Variants in MROH6 observed in about 807,000 individuals in gnomAD.
MROH6 encodes the protein maestro heat-like repeat-containing protein family member 6.
Under a neutral mutation model 67.7 loss-of-function variants are expected in MROH6, and 62 were observed. The observed-to-expected ratio is 0.92, with a 90% CI of 0.75 to 1.13. MROH6 has a LOEUF of 1.13. MROH6 is among the 50% of genes most tolerant of loss of function. The pLI is 0.00. For missense variants in MROH6, 1,175 were observed against 1,029.1 expected (o/e 1.14, Z -1.94); for synonymous variants, 566 against 470.8 (o/e 1.20, Z -2.62).
chr8:143,568,074 C>G, intron 11 of MROH6, 68 bp downstream of exon 11: 1 of 1,532,864 alleles, frequency 6.5e-7, no homozygotes, highest in South Asian at 1.2e-5. Context: ...TTGGGGGCCC[C>G]GGTGAACCCT....
chr8:143,569,486 G>A lies in MROH6; in HGVS notation c.1431C>T (p.Leu477=), dbSNP rs1472830243. The change falls in exon 9 of 14, where the codon CTC becomes CTT. Residue 477 remains leucine (L), a synonymous_variant. Transcript: ENST00000398882. The part of the protein sequence containing the change: ...LLLRPRAPVR[L]LSAELGPRLP... ...GGCGCGGTCCCAGCTCCGCGCTCAG[G>A]AGCCGCACAGGCGCCCGGGGCCGCA... 1.4e-6 allele frequency: 2 copies of A among 1,481,274 alleles called. No homozygotes were observed. The highest frequency in any genetic ancestry group is 1.8e-6 in the Non-Finnish European group (2 of 1,125,646). The allele number at this position is 1,481,274 out of a possible 1,614,324, so 91.8% of individuals were successfully genotyped here.
chr8:143,568,307 A>G lies in MROH6; in HGVS notation c.1645-46T>C, dbSNP rs771966905. 24 of 1,564,520 alleles carry G rather than the reference A, an allele frequency of 1.5e-5. No homozygotes were observed. In the East Asian group the frequency reaches 5.2e-4, roughly 34 times the overall value. On this transcript the variant is annotated intron_variant, in intron 10 of 13. Coordinates refer to ENST00000398882, the MANE Select transcript of MROH6 (RefSeq NM_001100878.2). The stretch of plus-strand genomic sequence containing the variant: ...CGGGTCAGGGGTCCAGGAAGTAGAA[A>G]GGCAAAAGGTGGGGTGGGAAGAGGG...
At position 143,572,631 on chromosome 8, in the gene MROH6, G is replaced by T; in HGVS notation, c.84C>A (p.Ile28=). Residue 28 remains isoleucine (I), a synonymous_variant, in exon 1 of 14, where the codon ATC becomes ATA. Coordinates refer to ENST00000398882, the MANE Select transcript of MROH6 (RefSeq NM_001100878.2). The part of the protein sequence containing the change: ...ALTLTALTEG[I]RARQGQPQGP... ...CCTGGGGCTGCCCCTGCCTGGCCCG[G>T]ATTCCTTCAGTCAGTGCTGTCAGGG... The T allele has an allele frequency of 3.2e-6, 5 of 1,584,400 alleles. No homozygotes were observed. The highest frequency in any genetic ancestry group is 2.6e-6 in the Non-Finnish European group (3 of 1,170,332).
intron 11 of MROH6, 87 bp from the exon 12 acceptor site, chr8:143,567,975 C>T: frequency 6.9e-7 from 1 of 1,439,540 alleles, no homozygotes; most frequent in Non-Finnish European, 9.3e-7. Context: ...GGCCGGGGTT[C>T]CAGGGGAGCC....
intron 3 of MROH6, 26 bp from the exon 4 acceptor site, chr8:143,571,020 G>A (rs1439008673): frequency 1.3e-5 from 20 of 1,541,180 alleles, no homozygotes; most frequent in Non-Finnish European, 1.8e-5. Context: ...GGGCTGGTGT[G>A]AGACAAGAGA....
rs985745655 is a variant in MROH6, at chr8:143,570,790, G to C, written c.720+87C>G. On this transcript the variant is annotated intron_variant, in intron 4 of 13. Coordinates refer to ENST00000398882, the MANE Select transcript of MROH6 (RefSeq NM_001100878.2). Reference sequence around the variant, plus strand: ...GGGACATTCCAGGAGCAGTTACCTAGGTGCAAACTCCCTATGCCCATCCTC... The same window carrying C: ...GGGACATTCCAGGAGCAGTTACCTACGTGCAAACTCCCTATGCCCATCCTC... 7 of 1,406,678 alleles carry C rather than the reference G, an allele frequency of 5.0e-6. No homozygotes were observed. In the East Asian group the frequency reaches 1.5e-4, roughly 30 times the overall value. The allele number at this position is 1,406,678 out of a possible 1,614,324, so 87.1% of individuals were successfully genotyped here.
chr8:143,571,582 C>A, intron 3 of MROH6, 85 bp downstream of exon 3: 1 of 1,516,182 alleles, frequency 6.6e-7, no homozygotes, highest in South Asian at 1.2e-5. Flanking sequence ...TTTTCAGCTC[C>A]CTCTTCTGGG....
In MROH6 at chr8:143,567,583, A is replaced by C. The variant is rs367745141; in HGVS notation, c.1933+28T>G. 2.6e-6 allele frequency: 4 copies of C among 1,546,850 alleles called. No homozygotes were observed. In the African/African-American group the frequency reaches 5.5e-5, roughly 21 times the overall value. The stretch of plus-strand genomic sequence containing the variant: ...CTAGCACCAGCCACGTCTCCAGGAC[A>C]CCATCCCCTGGCAAGGTGGGGCCTC... On this transcript the variant is annotated intron_variant, in intron 13 of 13. Transcript: ENST00000398882.
chr8:143,571,101 G>T lies in MROH6; in HGVS notation c.603-107C>A, dbSNP rs1205250251. Reference sequence around the variant, plus strand: ...GGCAGCCAGTAGGACTCCAGCAGGGGAGGGGCAGGAAACCCCTCCCATCTC... The same window carrying T: ...GGCAGCCAGTAGGACTCCAGCAGGGTAGGGGCAGGAAACCCCTCCCATCTC... On this transcript the variant is annotated intron_variant, in intron 3 of 13. Transcript: ENST00000398882. The T allele has an allele frequency of 1.7e-5, 14 of 835,622 alleles. 1 individual carries two copies. The highest frequency in any genetic ancestry group is 2.7e-5 in the Non-Finnish European group (14 of 522,816). 51.8% of individuals were successfully genotyped at this position (835,622 alleles called of 1,614,324 possible).
chr8:143,570,126 C>T, intron 6 of MROH6, 61 bp from the exon 7 acceptor site: 1 of 1,576,682 alleles, frequency 6.3e-7, no homozygotes, highest in Admixed American at 1.7e-5. Context: ...TCGAGAAGAC[C>T]CCATCCCAAC....
In MROH6 at chr8:143,568,600, G is replaced by T. The variant is rs771911863; in HGVS notation, c.1596C>A (p.Leu532=). 1.9e-6 allele frequency: 3 copies of T among 1,546,920 alleles called. No individual in the cohort carries two copies. Among genetic ancestry groups the T allele is most frequent in the Non-Finnish European group, 2.6e-6 (3 of 1,153,308 alleles). The change falls in exon 10 of 14, where the codon CTC becomes CTA. Residue 532 remains leucine (L), a synonymous_variant. Transcript: ENST00000398882. Reference sequence around the variant, plus strand: ...CATGCAGGCGCAGCAGCAGCGGCACGAGACTCTGCAGCACCAGCTTCCGCA... The same window carrying T: ...CATGCAGGCGCAGCAGCAGCGGCACTAGACTCTGCAGCACCAGCTTCCGCA... ...GPLRKLVLQS[L]VPLLLRLHDP... is the part of the protein sequence containing the mutation.
intron 1 of MROH6, 39 bp downstream of exon 1, chr8:143,572,382 C>T (rs766409569): frequency 6.6e-6 from 10 of 1,515,376 alleles, no homozygotes; most frequent in Admixed American, 6.0e-5. Flanking sequence ...ACAGGACCCC[C>T]AGGCCGGTTC....
rs556113134 is a variant in MROH6, at chr8:143,567,593, G to A, written c.1933+18C>T. 1.3e-6 allele frequency: 2 copies of A among 1,551,316 alleles called. No individual in the cohort carries two copies. Among genetic ancestry groups the A allele is most frequent in the Admixed American group, 2.0e-5 (1 of 51,216 alleles). ...CCACGTCTCCAGGACACCATCCCCT[G>A]GCAAGGTGGGGCCTCACCCTGGAAC... On this transcript the variant is annotated intron_variant, in intron 13 of 13. Transcript: ENST00000398882.
In MROH6 at chr8:143,570,387, G is replaced by A. The variant is rs768376647; in HGVS notation, c.906-7C>T. The A allele has an allele frequency of 2.5e-6, 4 of 1,608,084 alleles. No homozygotes were observed. In the East Asian group the frequency reaches 8.9e-5, roughly 36 times the overall value. ...CAAGGCCTCCACAGCACAGCTGGTG[G>A]TGGGGACAGTGAGCAGGTGGGCAGT... On this transcript the variant is annotated splice_polypyrimidine_tract_variant and splice_region_variant and intron_variant, in intron 5 of 13. Transcript: ENST00000398882.
rs1475946040 is a variant in MROH6, at chr8:143,566,220, GCTTT to G, written c.*1015_*1018del. 1 of 152,252 alleles carries G rather than the reference GCTTT, an allele frequency of 6.6e-6. No homozygotes were observed. The highest frequency in any genetic ancestry group is 1.5e-5 in the Non-Finnish European group (1 of 68,054). The allele number at this position is 152,252 out of a possible 1,614,324, so 9.4% of individuals were successfully genotyped here. A position where few individuals can be genotyped will look rare whatever the true frequency, so the allele number is the denominator to read the frequency against. On this transcript the variant is annotated 3_prime_UTR_variant, in exon 14 of 14. Coordinates refer to ENST00000398882, the MANE Select transcript of MROH6 (RefSeq NM_001100878.2). ...CCATCCACGTGTGTTTATTTTAGAT[GCTTT>G]CTGTGTGGGAGCTGGGGAGACAGGT...
chr8:143,570,370 C>T lies in MROH6; in HGVS notation c.916G>A (p.Glu306Lys). ...PPHSHASCAVEALKALLTGDG... is the reference protein window; with the variant it reads ...PPHSHASCAVKALKALLTGDG... The stretch of plus-strand genomic sequence containing the variant: ...CCGGTGAGCAGCGCCTTCAAGGCCT[C>T]CACAGCACAGCTGGTGGTGGGGACA... The change falls in exon 6 of 14, where the codon GAG becomes AAG. Residue 306 changes from glutamate to lysine, a missense_variant. Transcript: ENST00000398882. 1 of 1,611,080 alleles carries T rather than the reference C, an allele frequency of 6.2e-7. No homozygotes were observed. The highest frequency in any genetic ancestry group is 8.5e-7 in the Non-Finnish European group (1 of 1,179,672).
At position 143,567,213 on chromosome 8, in the gene MROH6, T is replaced by C. The variant is rs1823658635; in HGVS notation, c.*26A>G. ...CGCGTGGGGTGCCCGAGTCGGACCCTGGCCCTCGGGCCCCAGCCCCGAGCC... is the reference window on the plus strand; with the variant it reads ...CGCGTGGGGTGCCCGAGTCGGACCCCGGCCCTCGGGCCCCAGCCCCGAGCC... On this transcript the variant is annotated 3_prime_UTR_variant, in exon 14 of 14. Coordinates refer to ENST00000398882, the MANE Select transcript of MROH6 (RefSeq NM_001100878.2). The C allele has an allele frequency of 8.3e-7, 1 of 1,200,792 alleles. No homozygotes were observed. Among genetic ancestry groups the C allele is most frequent in the Non-Finnish European group, 1.0e-6 (1 of 963,236 alleles). The allele number at this position is 1,200,792 out of a possible 1,614,324, so 74.4% of individuals were successfully genotyped here. A position where few individuals can be genotyped will look rare whatever the true frequency, so the allele number is the denominator to read the frequency against.
Position 143,571,675 on chromosome 8 carries a change from G to A in MROH6, c.594C>T (p.Pro198=), listed in dbSNP as rs748008952. 1.5e-5 allele frequency: 24 copies of A among 1,556,902 alleles called. No homozygotes were observed. The Admixed American group carries it at 3.1e-4, about 20-fold the overall frequency. The change falls in exon 3 of 14, where the codon CCC becomes CCT. Residue 198 remains proline (P), a synonymous_variant. Coordinates refer to ENST00000398882, the MANE Select transcript of MROH6 (RefSeq NM_001100878.2). ...VVCALLPRSL[P]ADRVAAELWR... ...CAGGACGGTTGGGTTACCGATCGGC[G>A]GGCAGAGAGCGGGGTAGCAGCGCAC...
At chr8:143,570,106 G>T in intron 6 of MROH6, 41 bp from the exon 7 acceptor site, 2 of 1,592,036 alleles carry the variant, frequency 1.3e-6, no homozygotes, top group Non-Finnish European at 1.7e-6. Context: ...CCGTTTGGCG[G>T]CCTTTCTCCT....
Sources: allele counts gnomAD v4.1 joint callset, GRCh38; gene constraint gnomAD v4.1.1; transcripts MANE v1.5; gene names NCBI Gene and HGNC (gene_info 2026-07-23, HGNC 2026-07-21).